Variants in UNC13C observed in about 807,000 individuals in gnomAD.
UNC13C encodes unc-13 homolog C.
In UNC13C, 174 loss-of-function variants were observed where a neutral mutation model predicts 245.4. That is an observed-to-expected ratio of 0.71 (90% CI 0.63 to 0.80). UNC13C has a LOEUF of 0.80. Among genes scored for constraint, UNC13C ranks in the 30% least tolerant of loss-of-function variants. The probability of loss-of-function intolerance (pLI) is 0.00; values close to 1 mark genes in which losing one functional copy is unlikely to be tolerated. For missense variants in UNC13C, 2,829 were observed against 2,602.9 expected (o/e 1.09, Z -1.89); for synonymous variants, 992 against 895.1 (o/e 1.11, Z -1.93).
At chr15:54,217,124 T>A (rs1287853323) in intron 4 of UNC13C, among the ~76,000 whole-genome samples, 1 of 152,004 alleles carries the variant, frequency 6.6e-6, no homozygotes, top group African/African-American at 2.4e-5. Flanking sequence ...TCTTTGAAGT[T>A]TATTTCCATT....
At chr15:54,268,106 C>T (rs1365749365) in intron 10 of UNC13C, among the ~76,000 whole-genome samples, 1 of 151,854 alleles carries the variant, frequency 6.6e-6, no homozygotes, top group African/African-American at 2.4e-5. Context: ...TAATGCTCTC[C>T]CTCCACTTGC....
intron 2 of UNC13C, among the ~76,000 whole-genome samples, chr15:54,017,222 G>T (rs374709623): frequency 3.1e-4 from 44 of 143,898 alleles, no homozygotes; most frequent in African/African-American, 1.3e-3. Context: ...TTGTGTTTTT[G>T]TTTTTTTTGC....
chr15:54,210,341 T>C (rs1268238239), intron 4 of UNC13C, among the ~76,000 whole-genome samples: 4 of 151,564 alleles, frequency 2.6e-5, no homozygotes, highest in Admixed American at 2.6e-4. Flanking sequence ...ACTTTGTCAC[T>C]AATTAGATGA....
At chr15:54,237,174 T>TATGAACAACTCAGGAACC (rs2035723698) in intron 6 of UNC13C, among the ~76,000 whole-genome samples, 1 of 152,196 alleles carries the variant, frequency 6.6e-6, no homozygotes, top group African/African-American at 2.4e-5. Context: ...TCTAGGGAAC[T>TATGAACAACTCAGGAACC]ATGAACAACT....
the UNC13C span, among the ~76,000 whole-genome samples, chr15:53,864,184 C>A: frequency 6.6e-6 from 1 of 152,262 alleles, no homozygotes; most frequent in South Asian, 2.1e-4. Flanking sequence ...CAACCTAAAA[C>A]ACCAATTCAA....
intron 2 of UNC13C, among the ~76,000 whole-genome samples, chr15:54,129,999 T>C (rs2031310020): frequency 6.6e-6 from 1 of 151,756 alleles, no homozygotes; most frequent in Non-Finnish European, 1.5e-5. Flanking sequence ...TTTAAGGTTA[T>C]AACCTTTCTT....
chr15:54,533,128 A>G lies in UNC13C; in HGVS notation c.5696+62A>G. 3.8e-6 allele frequency: 5 copies of G among 1,319,102 alleles called. No individual in the cohort carries two copies. In the South Asian group the frequency reaches 6.9e-5, roughly 18 times the overall value. 81.7% of individuals were successfully genotyped at this position (1,319,102 alleles called of 1,614,324 possible). ...CCCTAAATTTGACCTTTAAGGCTTT[A>G]AGAAAAACATTGTTTTCCTCTGTGT... On this transcript the variant is annotated intron_variant, in intron 26 of 32. Coordinates refer to ENST00000260323, the MANE Select transcript of UNC13C (RefSeq NM_001080534.3).
intron 4 of UNC13C, among the ~76,000 whole-genome samples, chr15:54,184,553 T>G (rs2033909285): frequency 6.6e-6 from 1 of 152,140 alleles, no homozygotes; most frequent in African/African-American, 2.4e-5. Context: ...TTGCTGAGAA[T>G]GATGGTTTCC....
chr15:54,023,592 A>G (rs1421048580), intron 2 of UNC13C, among the ~76,000 whole-genome samples: 1 of 152,212 alleles, frequency 6.6e-6, no homozygotes, highest in Non-Finnish European at 1.5e-5. Context: ...CAAAATTTTT[A>G]TAGAAGGTAA....
intron 2 of UNC13C, among the ~76,000 whole-genome samples, chr15:54,045,158 T>G (rs978041848): frequency 1.3e-5 from 2 of 152,194 alleles, no homozygotes; most frequent in Non-Finnish European, 2.9e-5. Context: ...TCCAAAGTCA[T>G]GAAGAGCTAT....
chr15:54,229,002 T>C (rs1057460718), intron 4 of UNC13C, among the ~76,000 whole-genome samples: 74 of 152,192 alleles, frequency 4.9e-4, no homozygotes, highest in Non-Finnish European at 3.5e-4. Flanking sequence ...TGGTGAGGCT[T>C]GTCAGAACTC....
intron 2 of UNC13C, among the ~76,000 whole-genome samples, chr15:54,034,294 G>C (rs559914405): frequency 6.6e-6 from 1 of 152,252 alleles, no homozygotes; most frequent in African/African-American, 2.4e-5. Context: ...GTTGGGCACC[G>C]AGCACACAAT....
At chr15:53,896,591 C>CT in the UNC13C span, among the ~76,000 whole-genome samples, 1 of 152,012 alleles carries the variant, frequency 6.6e-6, no homozygotes, top group Non-Finnish European at 1.5e-5. Flanking sequence ...TTATGGCAGA[C>CT]TAGATACTTA....
chr15:53,953,996 A>T, the UNC13C span, among the ~76,000 whole-genome samples: 1 of 152,314 alleles, frequency 6.6e-6, no homozygotes, highest in African/African-American at 2.4e-5. Context: ...TCCGAGCTTC[A>T]TAGTGAAGGA....
At chr15:54,622,252 T>G in intron 30 of UNC13C, 75 bp from the exon 31 acceptor site, 2 of 970,776 alleles carry the variant, frequency 2.1e-6, no homozygotes, top group Non-Finnish European at 3.4e-6. Flanking sequence ...TTTTATGTTT[T>G]TTATGCATAG....
chr15:53,858,090 C>T, the UNC13C span, among the ~76,000 whole-genome samples: 2 of 151,998 alleles, frequency 1.3e-5, no homozygotes, highest in Non-Finnish European at 2.9e-5. Context: ...TAATTTTAAC[C>T]TCTATATGAA....
At chr15:53,975,827 G>T (rs1893678056), upstream of UNC13C, among the ~76,000 whole-genome samples, 1 of 152,186 alleles carries the variant, frequency 6.6e-6, no homozygotes, top group African/African-American at 2.4e-5. Context: ...GAAGCATTTG[G>T]AGGAGAAATG....
intron 4 of UNC13C, among the ~76,000 whole-genome samples, chr15:54,227,550 G>A (rs2035424611): frequency 6.6e-6 from 1 of 152,196 alleles, no homozygotes; most frequent in Non-Finnish European, 1.5e-5. Flanking sequence ...GGGAGACCGA[G>A]GGGGCAGGGG....
At chr15:54,298,324 A>G (rs1247120862) in intron 12 of UNC13C, among the ~76,000 whole-genome samples, 1 of 152,190 alleles carries the variant, frequency 6.6e-6, no homozygotes, top group Non-Finnish European at 1.5e-5. Flanking sequence ...TCAAATCGTA[A>G]TTGTGTTTGA....
Sources: allele counts gnomAD v4.1 joint callset (sites outside exome capture counted in the v4.1 genomes callset), GRCh38; gene constraint gnomAD v4.1.1; transcripts MANE v1.5; gene names NCBI Gene and HGNC (gene_info 2026-07-23, HGNC 2026-07-21).